Variants in CTNND2 observed in about 807,000 individuals in gnomAD.
CTNND2 encodes the protein catenin delta-2.
Under a neutral mutation model 144.4 loss-of-function variants are expected in CTNND2, and 22 were observed. The ratio of observed to expected loss-of-function variants is 0.15; its 90% CI spans 0.11 to 0.22. CTNND2 has a LOEUF of 0.22. Ranked by LOEUF, CTNND2 falls within the 10% of genes least tolerant of loss-of-function variation. CTNND2 has a pLI of 1.00. For synonymous variants in CTNND2, 751 were observed against 695.6 expected (o/e 1.08, Z -1.25); for missense variants, 1,353 against 1,618.8 (o/e 0.84, Z 2.82).
intron 3 of CTNND2, among the ~76,000 whole-genome samples, chr5:11,510,652 C>T (rs543967166): frequency 2.0e-5 from 3 of 152,282 alleles, no homozygotes; most frequent in Non-Finnish European, 1.5e-5. Context: ...GCATTTGAAT[C>T]GGGCACAATG....
At chr5:11,478,932 T>G (rs1411798732) in intron 3 of CTNND2, among the ~76,000 whole-genome samples, 3 of 152,172 alleles carry the variant, frequency 2.0e-5, no homozygotes, top group Non-Finnish European at 4.4e-5. Context: ...AATTTAACAA[T>G]AGCAACATTT....
At chr5:11,554,968 A>T (rs182801318) in intron 3 of CTNND2, among the ~76,000 whole-genome samples, 3 of 151,774 alleles carry the variant, frequency 2.0e-5, no homozygotes, top group Non-Finnish European at 4.4e-5. Context: ...ACATAAAAAA[A>T]TGAATAATAC....
chr5:11,748,639 T>C (rs1204838235), intron 1 of CTNND2, among the ~76,000 whole-genome samples: 1 of 152,104 alleles, frequency 6.6e-6, no homozygotes, highest in East Asian at 1.9e-4. Context: ...AAATTCCCAT[T>C]TTCTCCAAAT....
chr5:11,158,471 A>G (rs1758438430), intron 12 of CTNND2, among the ~76,000 whole-genome samples: 1 of 152,166 alleles, frequency 6.6e-6, no homozygotes, highest in Non-Finnish European at 1.5e-5. Context: ...CGTGACTCAG[A>G]CGAAAAGCAG....
At chr5:11,094,273 G>A (rs555267346) in intron 15 of CTNND2, among the ~76,000 whole-genome samples, 1 of 152,222 alleles carries the variant, frequency 6.6e-6, no homozygotes, top group East Asian at 1.9e-4. Flanking sequence ...AAAATTACTA[G>A]TAATAACATT....
At chr5:11,031,250 G>A (rs1580090862) in intron 16 of CTNND2, among the ~76,000 whole-genome samples, 1 of 152,162 alleles carries the variant, frequency 6.6e-6, no homozygotes, top group East Asian at 1.9e-4. Flanking sequence ...CTCTGTGTTT[G>A]TGTCACTGTA....
chr5:11,696,626 A>G (rs73743027), intron 2 of CTNND2, among the ~76,000 whole-genome samples: 1,803 of 152,324 alleles, frequency 0.012, 28 homozygotes, highest in African/African-American at 0.042. Context: ...AGCATAATGT[A>G]GATGTAAGAA....
At chr5:11,733,744 T>G (rs942393288) in intron 1 of CTNND2, among the ~76,000 whole-genome samples, 3 of 152,226 alleles carry the variant, frequency 2.0e-5, no homozygotes, top group Non-Finnish European at 2.9e-5. Context: ...TGATTTTGTC[T>G]GAGTTTATTT....
At chr5:11,748,491 A>G (rs940358801) in intron 1 of CTNND2, among the ~76,000 whole-genome samples, 1 of 152,128 alleles carries the variant, frequency 6.6e-6, no homozygotes, top group African/African-American at 2.4e-5. Flanking sequence ...ATGGACAAAT[A>G]ATTAGATATT....
At chr5:11,346,655 A>G in intron 8 of CTNND2, 28 bp from the exon 9 acceptor site, 2 of 1,434,456 alleles carry the variant, frequency 1.4e-6, no homozygotes, top group African/African-American at 1.4e-5. Context: ...GGACAAAGTA[A>G]AAAATTGAGG....
chr5:11,454,197 G>A (rs1199494182), intron 3 of CTNND2, among the ~76,000 whole-genome samples: 1 of 152,156 alleles, frequency 6.6e-6, no homozygotes, highest in Non-Finnish European at 1.5e-5. Context: ...CGAGGCGGGC[G>A]AGTTACGAGG....
chr5:11,793,030 A>G (rs1791218722), intron 1 of CTNND2, among the ~76,000 whole-genome samples: 1 of 152,246 alleles, frequency 6.6e-6, no homozygotes, highest in South Asian at 2.1e-4. Context: ...AGATGGCTAA[A>G]AATTCTAATG....
At chr5:11,497,566 A>T (rs1770096687) in intron 3 of CTNND2, among the ~76,000 whole-genome samples, 1 of 138,366 alleles carries the variant, frequency 7.2e-6, no homozygotes, top group Non-Finnish European at 1.5e-5. Context: ...AAAGAACATG[A>T]GGCCTTTTAA....
intron 19 of CTNND2, among the ~76,000 whole-genome samples, chr5:10,990,225 A>AGAG (rs1368146013): frequency 6.6e-6 from 1 of 152,212 alleles, no homozygotes; most frequent in East Asian, 1.9e-4. Context: ...GTTCCAGGGG[A>AGAG]GAGGACAAAG....
At chr5:11,810,343 T>C (rs931855750) in intron 1 of CTNND2, among the ~76,000 whole-genome samples, 8 of 152,266 alleles carry the variant, frequency 5.3e-5, no homozygotes, top group East Asian at 3.9e-4. Context: ...TGAAGGATAA[T>C]TGTAGAATTT....
intron 1 of CTNND2, among the ~76,000 whole-genome samples, chr5:11,783,356 G>T (rs1790648246): frequency 6.6e-6 from 1 of 151,920 alleles, no homozygotes; most frequent in African/African-American, 2.4e-5. Flanking sequence ...TATGTAATCT[G>T]CTCTATATCT....
intron 12 of CTNND2, among the ~76,000 whole-genome samples, chr5:11,142,477 A>G (rs1756827030): frequency 6.6e-6 from 1 of 152,322 alleles, no homozygotes; most frequent in East Asian, 1.9e-4. Flanking sequence ...AGAGGAACAC[A>G]CCAGGAATAC....
chr5:11,842,736 T>TAAAAAAA (rs1794537126), intron 1 of CTNND2, among the ~76,000 whole-genome samples: 1 of 142,814 alleles, frequency 7.0e-6, no homozygotes, highest in African/African-American at 2.9e-5. Flanking sequence ...AAAAAAAAAG[T>TAAAAAAA]AAACTGTCTC....
intron 1 of CTNND2, among the ~76,000 whole-genome samples, chr5:11,783,923 A>C (rs961441035): frequency 6.6e-6 from 1 of 152,198 alleles, no homozygotes; most frequent in South Asian, 2.1e-4. Context: ...CCTGGGTGAG[A>C]GATCACTTAG....
Sources: gnomAD v4.1 joint callset for allele counts (sites outside exome capture counted in the v4.1 genomes callset) on GRCh38, gnomAD v4.1.1 for gene constraint, MANE v1.5 for transcripts, NCBI Gene and HGNC (gene_info 2026-07-23, HGNC 2026-07-21) for gene names.